The following PARP8 variants were observed in gnomAD, a reference collection of about 807,000 sequenced individuals.
The protein encoded by PARP8 is protein mono-ADP-ribosyltransferase PARP8.
PARP8 carries 51 observed loss-of-function variants against 124.1 expected under a neutral mutation model. That is an observed-to-expected ratio of 0.41 (90% CI 0.33 to 0.52). PARP8 has a LOEUF of 0.52. Ranked by LOEUF, PARP8 falls within the 20% of genes least tolerant of loss-of-function variation. PARP8 has a pLI of 0.21. For synonymous variants in PARP8, 391 were observed against 361.5 expected, an observed-to-expected ratio of 1.08 and a Z score of -0.93; for missense variants, 860 against 1,018.9, an observed-to-expected ratio of 0.84 and a Z score of 2.12.
chr5:50,706,349 A>C (rs1477204433), intron 2 of PARP8, among the ~76,000 whole-genome samples: 1 of 151,772 alleles, frequency 6.6e-6, no homozygotes, highest in East Asian at 1.9e-4. Flanking sequence ...TATGTTTTTC[A>C]GATGGCTGGT....
chr5:50,754,229 A>G (rs1759650093), intron 3 of PARP8, among the ~76,000 whole-genome samples: 1 of 148,350 alleles, frequency 6.7e-6, no homozygotes, highest in South Asian at 2.2e-4. Flanking sequence ...CATGTGCACA[A>G]CGTGCAGGTT....
intron 2 of PARP8, among the ~76,000 whole-genome samples, chr5:50,724,640 A>C (rs1267085425): frequency 9.2e-5 from 14 of 151,958 alleles, no homozygotes; most frequent in Admixed American, 7.2e-4. Flanking sequence ...TGTTGTTTTT[A>C]ATTTTTTTTG....
chr5:50,806,229 G>A (rs553152477), intron 14 of PARP8, among the ~76,000 whole-genome samples: 3 of 152,044 alleles, frequency 2.0e-5, no homozygotes, highest in Admixed American at 6.6e-5. Flanking sequence ...TACTGTGCTA[G>A]TAAGTAATAG....
At chr5:50,753,750 A>AT (rs1313618717) in intron 3 of PARP8, among the ~76,000 whole-genome samples, 3 of 151,934 alleles carry the variant, frequency 2.0e-5, no homozygotes, top group Non-Finnish European at 2.9e-5. Context: ...AATCAATATA[A>AT]TTTTTTTAGA....
chr5:50,757,897 C>G (rs550249788), intron 3 of PARP8, among the ~76,000 whole-genome samples: 1 of 152,078 alleles, frequency 6.6e-6, no homozygotes, highest in Non-Finnish European at 1.5e-5. Flanking sequence ...TTCCCTTCTA[C>G]TTGGTGGCCA....
intron 2 of PARP8, among the ~76,000 whole-genome samples, chr5:50,712,600 G>A (rs1323591671): frequency 1.3e-5 from 2 of 152,086 alleles, no homozygotes; most frequent in African/African-American, 2.4e-5. Context: ...AAGCACTGAG[G>A]ACCAGGCTCT....
chr5:50,822,207 T>A, intron 16 of PARP8, 128 bp from the exon 17 acceptor site: 1 of 708,740 alleles, frequency 1.4e-6, no homozygotes, highest in Non-Finnish European at 2.5e-6. Flanking sequence ...CACCAAACAG[T>A]CATTTCTTTC....
At chr5:50,794,573 TAG>T (rs1295200012) in intron 11 of PARP8, among the ~76,000 whole-genome samples, 2 of 152,188 alleles carry the variant, frequency 1.3e-5, no homozygotes, top group Non-Finnish European at 2.9e-5. Context: ...TCTAATCACC[TAG>T]AGTTTTTCCT....
At chr5:50,684,919 C>T (rs1280974160) in intron 2 of PARP8, among the ~76,000 whole-genome samples, 1 of 152,126 alleles carries the variant, frequency 6.6e-6, no homozygotes, top group African/African-American at 2.4e-5. Flanking sequence ...AGTTCTGTTT[C>T]GTGGAGACAG....
At chr5:50,778,044 A>T (rs1265033911) in intron 7 of PARP8, 25 bp from the exon 8 acceptor site, 1 of 1,572,686 alleles carries the variant, frequency 6.4e-7, no homozygotes, top group East Asian at 2.2e-5. Flanking sequence ...AAAATGAAAA[A>T]AACAGTGTTA....
upstream of PARP8, chr5:50,666,259 TTTA>T (rs749669596): frequency 6.6e-6 from 1 of 152,290 alleles, no homozygotes; most frequent in Non-Finnish European, 1.5e-5. Context: ...ATTTGTTCGT[TTTA>T]TTATTTTTTT....
At chr5:50,811,209 G>A (rs1744397063) in intron 14 of PARP8, among the ~76,000 whole-genome samples, 1 of 152,062 alleles carries the variant, frequency 6.6e-6, no homozygotes, top group Non-Finnish European at 1.5e-5. Flanking sequence ...AGGAATGCAG[G>A]TGTTTTATTT....
intron 14 of PARP8, among the ~76,000 whole-genome samples, chr5:50,814,984 G>GT (rs892284043): frequency 1.7e-4 from 26 of 149,582 alleles, no homozygotes; most frequent in African/African-American, 5.6e-4. Context: ...TTTTTTTTTT[G>GT]TTTTTTTCCA....
chr5:50,791,473 A>G (rs1464545323), intron 10 of PARP8, among the ~76,000 whole-genome samples: 1 of 152,162 alleles, frequency 6.6e-6, no homozygotes, highest in Non-Finnish European at 1.5e-5. Flanking sequence ...ATAATCCTAG[A>G]TATTCCTTTG....
intron 2 of PARP8, among the ~76,000 whole-genome samples, chr5:50,719,259 T>C (rs1186167783): frequency 6.6e-6 from 1 of 152,128 alleles, no homozygotes; most frequent in Non-Finnish European, 1.5e-5. Flanking sequence ...GCAAATATTT[T>C]CTCCCATTCT....
At chr5:50,804,661 A>C (rs1352187205) in intron 14 of PARP8, among the ~76,000 whole-genome samples, 1 of 152,140 alleles carries the variant, frequency 6.6e-6, no homozygotes, top group Non-Finnish European at 1.5e-5. Flanking sequence ...GAACTTGTCA[A>C]ATCCTAGAAA....
chr5:50,705,904 A>G (rs1331996311), intron 2 of PARP8, among the ~76,000 whole-genome samples: 1 of 152,156 alleles, frequency 6.6e-6, no homozygotes, highest in African/African-American at 2.4e-5. Context: ...TCCATTCTCC[A>G]TATGGAGGGT....
rs1758400951 is a variant in PARP8, at chr5:50,744,994, C to T, written c.147-5157C>T. On this transcript the variant is annotated intron_variant, in intron 2 of 25. Transcript: ENST00000281631. ...CTCATTAGATCCTTGAGCCAATCAT[C>T]CATGTCTGTTTGTACTAGATTGTTT... The T allele has an allele frequency of 1.2e-5, 6 of 490,614 alleles. No homozygotes were observed. The East Asian group carries it at 1.8e-4, about 15-fold the overall frequency. 30.4% of individuals were successfully genotyped at this position (490,614 alleles called of 1,614,324 possible).
chr5:50,779,552 T>C (rs1382171956), intron 9 of PARP8, among the ~76,000 whole-genome samples: 1 of 152,180 alleles, frequency 6.6e-6, no homozygotes, highest in African/African-American at 2.4e-5. Context: ...TCTTGTACCA[T>C]GGTGACTGGG....
Sources: allele counts gnomAD v4.1 joint callset (sites outside exome capture counted in the v4.1 genomes callset), GRCh38; gene constraint gnomAD v4.1.1; transcripts MANE v1.5; gene names NCBI Gene and HGNC (gene_info 2026-07-23, HGNC 2026-07-21).